Variants in CSMD1 observed in about 807,000 individuals in gnomAD.
CSMD1 encodes the protein CUB and sushi domain-containing protein 1.
A neutral mutation model predicts 417.5 loss-of-function variants in CSMD1; 213 were observed. The ratio of observed to expected loss-of-function variants is 0.51; its 90% confidence interval spans 0.46 to 0.57. The LOEUF (loss-of-function observed/expected upper bound fraction) is 0.57. Among genes scored for constraint, CSMD1 ranks in the 20% least tolerant of loss-of-function variants. CSMD1 has a pLI of 0.00. For missense variants in CSMD1, 6,923 were observed against 4,529.7 expected (o/e 1.53, Z -15.17); for synonymous variants, 2,862 against 1,736.8 (o/e 1.65, Z -16.11).
At chr8:3,227,095 G>A (rs1274488902) in intron 27 of CSMD1, among the ~76,000 whole-genome samples, 5 of 152,068 alleles carry the variant, frequency 3.3e-5, no homozygotes, top group Non-Finnish European at 7.4e-5. Context: ...CGGTGTGACT[G>A]CTCTGAAAGA....
intron 1 of CSMD1, among the ~76,000 whole-genome samples, chr8:4,839,173 T>C (rs573810954): frequency 6.6e-6 from 1 of 152,274 alleles, no homozygotes; most frequent in African/African-American, 2.4e-5. Flanking sequence ...TTTCCCTTCA[T>C]CAGGTTCCAA....
chr8:3,028,325 G>C (rs1369604478), intron 51 of CSMD1, among the ~76,000 whole-genome samples: 2 of 152,176 alleles, frequency 1.3e-5, no homozygotes, highest in African/African-American at 2.4e-5. Flanking sequence ...AGAATGTCGG[G>C]AAGGGGGGCA....
chr8:4,296,453 G>T (rs1262534541), intron 3 of CSMD1, among the ~76,000 whole-genome samples: 5 of 152,078 alleles, frequency 3.3e-5, no homozygotes, highest in Non-Finnish European at 7.4e-5. Context: ...TGGACTCATG[G>T]CCAGAGGTAA....
chr8:3,039,656 C>G (rs1314585129), intron 50 of CSMD1, among the ~76,000 whole-genome samples: 1 of 152,116 alleles, frequency 6.6e-6, no homozygotes, highest in South Asian at 2.1e-4. Flanking sequence ...CCCTAAATGA[C>G]CTCGTCTGCA....
intron 2 of CSMD1, among the ~76,000 whole-genome samples, chr8:4,548,263 A>G (rs931443116): frequency 6.6e-6 from 1 of 152,216 alleles, no homozygotes; most frequent in African/African-American, 2.4e-5. Flanking sequence ...TATCTTTATG[A>G]AAACTATCGA....
At chr8:3,439,154 C>CAAAAAAAAAAAA (rs1563390150) in intron 12 of CSMD1, among the ~76,000 whole-genome samples, 334 of 26,552 alleles carry the variant, frequency 0.013, 59 homozygotes, top group East Asian at 0.029. Flanking sequence ...AAAAAAAAAC[C>CAAAAAAAAAAAA]AAGAAAAAAA....
chr8:3,396,398 C>G lies in CSMD1; in HGVS notation c.2406-17G>C. The G allele has an allele frequency of 6.5e-7, 1 of 1,528,776 alleles. No homozygotes were observed. The highest frequency in any genetic ancestry group is 8.8e-7 in the Non-Finnish European group (1 of 1,135,870). The allele number at this position is 1,528,776 out of a possible 1,614,324, so 94.7% of individuals were successfully genotyped here. ...GTCTGAAATCTGCAAATATATACATCCCATCAGAAAAGACATGCAGAACTG... is the reference window on the plus strand; with the variant it reads ...GTCTGAAATCTGCAAATATATACATGCCATCAGAAAAGACATGCAGAACTG... On this transcript the variant is annotated splice_polypyrimidine_tract_variant and intron_variant, in intron 16 of 69. Coordinates refer to ENST00000635120, the MANE Select transcript of CSMD1 (RefSeq NM_033225.6).
At chr8:4,573,700 G>C (rs1264553903) in intron 2 of CSMD1, among the ~76,000 whole-genome samples, 1 of 152,124 alleles carries the variant, frequency 6.6e-6, no homozygotes, top group Admixed American at 6.5e-5. Flanking sequence ...GAAAGAGTTA[G>C]GTCTGCTGAA....
intron 2 of CSMD1, among the ~76,000 whole-genome samples, chr8:4,589,530 A>C (rs994169809): frequency 2.0e-5 from 3 of 152,206 alleles, no homozygotes; most frequent in African/African-American, 7.2e-5. Flanking sequence ...CTCATTCCCC[A>C]GGTTAGGAAG....
At chr8:3,350,061 T>C (rs1336098659) in intron 21 of CSMD1, among the ~76,000 whole-genome samples, 3 of 144,508 alleles carry the variant, frequency 2.1e-5, no homozygotes, top group African/African-American at 5.1e-5. Context: ...CTATAATAAC[T>C]TGTGTATGTG....
chr8:3,094,983 G>A (rs774768018), intron 47 of CSMD1, among the ~76,000 whole-genome samples: 5 of 152,120 alleles, frequency 3.3e-5, no homozygotes, highest in African/African-American at 4.8e-5. Context: ...TTGACAGCAA[G>A]TATTATGCTA....
At chr8:4,722,096 C>A (rs1809096979) in intron 1 of CSMD1, among the ~76,000 whole-genome samples, 2 of 152,088 alleles carry the variant, frequency 1.3e-5, no homozygotes, top group South Asian at 4.2e-4. Context: ...TAATATATAG[C>A]ATGAAAACTA....
chr8:4,295,789 C>T (rs10105348), intron 3 of CSMD1, among the ~76,000 whole-genome samples: 2,670 of 11,954 alleles, frequency 0.22, 25 homozygotes, highest in South Asian at 0.37. Context: ...TATATATATA[C>T]ACACACACAT....
At chr8:4,935,094 C>G (rs1027803387) in intron 1 of CSMD1, among the ~76,000 whole-genome samples, 1 of 152,180 alleles carries the variant, frequency 6.6e-6, no homozygotes, top group African/African-American at 2.4e-5. Flanking sequence ...GCCCCATGAT[C>G]AGGATTCTGC....
chr8:4,476,973 A>C (rs978745081), intron 2 of CSMD1, among the ~76,000 whole-genome samples: 1 of 152,230 alleles, frequency 6.6e-6, no homozygotes, highest in Non-Finnish European at 1.5e-5. Flanking sequence ...TGTGCTGCTG[A>C]ATGCCAATTG....
chr8:4,651,262 A>T (rs1373075074), intron 1 of CSMD1, among the ~76,000 whole-genome samples: 1 of 152,230 alleles, frequency 6.6e-6, no homozygotes, highest in African/African-American at 2.4e-5. Flanking sequence ...TATAAATCAT[A>T]AAAAGCATTT....
At chr8:4,149,148 G>C (rs375428640) in intron 3 of CSMD1, among the ~76,000 whole-genome samples, 1 of 151,954 alleles carries the variant, frequency 6.6e-6, no homozygotes, top group Non-Finnish European at 1.5e-5. Flanking sequence ...ATTTTTAGTA[G>C]AGACAGGGTT....
intron 3 of CSMD1, among the ~76,000 whole-genome samples, chr8:4,308,850 A>G (rs1334608032): frequency 6.6e-6 from 1 of 152,214 alleles, no homozygotes; most frequent in Non-Finnish European, 1.5e-5. Context: ...ACCCCATATC[A>G]AAGGCATGTA....
intron 1 of CSMD1, among the ~76,000 whole-genome samples, chr8:4,708,174 G>A (rs960855973): frequency 6.6e-6 from 1 of 152,016 alleles, no homozygotes; most frequent in African/African-American, 2.4e-5. Flanking sequence ...AGGCTGGTCT[G>A]AATCTCCACA....
Sources: gnomAD v4.1 joint callset for allele counts (sites outside exome capture counted in the v4.1 genomes callset) on GRCh38, gnomAD v4.1.1 for gene constraint, MANE v1.5 for transcripts, NCBI Gene and HGNC (gene_info 2026-07-23, HGNC 2026-07-21) for gene names.